Variants in TRHDE observed in about 807,000 individuals in gnomAD.
The protein encoded by TRHDE is thyrotropin releasing hormone degrading enzyme, also known as thyrotropin-releasing hormone-degrading ectoenzyme.
A neutral mutation model predicts 125.7 loss-of-function variants in TRHDE; 72 were observed. The ratio of observed to expected loss-of-function variants is 0.57; its 90% CI spans 0.47 to 0.70. TRHDE has a LOEUF of 0.70. Among genes scored for constraint, TRHDE ranks in the 30% least tolerant of loss-of-function variants. TRHDE has a pLI of 0.00. For missense variants in TRHDE, 1,110 were observed against 1,327.1 expected, an observed-to-expected ratio of 0.84 and a Z score of 2.54; for synonymous variants, 509 against 509.1, an observed-to-expected ratio of 1.00 and a Z score of 0.00.
At chr12:72,646,729 A>G (rs1444965172) in intron 15 of TRHDE, among the ~76,000 whole-genome samples, 1 of 152,070 alleles carries the variant, frequency 6.6e-6, no homozygotes, top group Non-Finnish European at 1.5e-5. Context: ...AAACCATCAC[A>G]AAAACAAAGA....
intron 6 of TRHDE, among the ~76,000 whole-genome samples, chr12:72,525,373 A>G (rs981992940): frequency 1.3e-5 from 2 of 152,076 alleles, no homozygotes; most frequent in Non-Finnish European, 2.9e-5. Context: ...CCCAAGGTTT[A>G]TCATTTCTAA....
intron 7 of TRHDE, among the ~76,000 whole-genome samples, chr12:72,551,811 T>G (rs1253538792): frequency 6.6e-6 from 1 of 151,886 alleles, no homozygotes; most frequent in Non-Finnish European, 1.5e-5. Flanking sequence ...AAGCAAAAAA[T>G]AGGATGCTGT....
chr12:72,497,829 A>G (rs1490413402), intron 5 of TRHDE, among the ~76,000 whole-genome samples: 1 of 152,232 alleles, frequency 6.6e-6, no homozygotes, highest in Non-Finnish European at 1.5e-5. Context: ...GTGGACTTAA[A>G]TGAACAATGT....
chr12:72,629,112 A>G (rs1423899027), intron 15 of TRHDE, among the ~76,000 whole-genome samples: 1 of 151,840 alleles, frequency 6.6e-6, no homozygotes, highest in African/African-American at 2.4e-5. Flanking sequence ...TCATTTTCTT[A>G]TAGTCACATT....
At chr12:72,535,004 C>T (rs933327421) in intron 6 of TRHDE, among the ~76,000 whole-genome samples, 3 of 151,428 alleles carry the variant, frequency 2.0e-5, no homozygotes, top group Admixed American at 2.0e-4. Context: ...ATTACTACCA[C>T]AGGACTTTTT....
intron 2 of TRHDE, among the ~76,000 whole-genome samples, chr12:72,153,041 T>C (rs1408329135): frequency 4.6e-5 from 7 of 152,214 alleles, no homozygotes. Flanking sequence ...TTTTTTTGGT[T>C]GGTAAGCAAT....
intron 12 of TRHDE, among the ~76,000 whole-genome samples, chr12:72,591,198 T>C (rs911915696): frequency 6.6e-5 from 10 of 152,182 alleles, no homozygotes. Flanking sequence ...TACTTCCCAC[T>C]GGGTCCCTCC....
intron 12 of TRHDE, among the ~76,000 whole-genome samples, chr12:72,612,847 C>G (rs921898793): frequency 3.9e-5 from 6 of 152,142 alleles, no homozygotes; most frequent in African/African-American, 1.4e-4. Flanking sequence ...AATGGTCAGA[C>G]ATTGACCCTA....
chr12:72,205,802 A>G (rs1450534698), intron 2 of TRHDE, among the ~76,000 whole-genome samples: 1 of 152,258 alleles, frequency 6.6e-6, no homozygotes, highest in African/African-American at 2.4e-5. Flanking sequence ...GAATAATGCT[A>G]CAATGAACGT....
chr12:72,273,107 A>G lies in TRHDE; in HGVS notation c.464A>G (p.Glu155Gly), dbSNP rs779290932. 3.9e-6 allele frequency: 6 copies of G among 1,525,088 alleles called. No individual in the cohort carries two copies. In the African/African-American group the frequency reaches 8.2e-5, roughly 21 times the overall value. The allele number at this position is 1,525,088 out of a possible 1,614,324, so 94.5% of individuals were successfully genotyped here. The change falls in exon 1 of 19, where the codon GAG (glutamate) becomes GGG (glycine). Residue 155 changes from glutamate (E) to glycine (G), a missense_variant. By Grantham distance (98) the Glu-to-Gly change is moderately conservative. Transcript: ENST00000261180. The surrounding 1 kb of genome is among the most constrained non-coding windows in gnomAD (Gnocchi z 5.3). ...GCAGGCGGGGACTCCTGGCAGCCCG[A>G]GGCGGGTGGGGTGGCCAGTCCGGGG... is the stretch of plus-strand genomic sequence containing the variant. Reference protein sequence around the residue: ...HHAGGDSWQPEAGGVASPGTT... With the variant: ...HHAGGDSWQPGAGGVASPGTT...
intron 3 of TRHDE, among the ~76,000 whole-genome samples, chr12:72,420,895 A>G (rs1419900543): frequency 1.5e-4 from 23 of 152,116 alleles, no homozygotes. Context: ...TTTCATACAC[A>G]TAGCATGATT....
At chr12:72,210,173 T>C (rs1877747958) in intron 2 of TRHDE, among the ~76,000 whole-genome samples, 1 of 144,416 alleles carries the variant, frequency 6.9e-6, no homozygotes, top group Admixed American at 6.8e-5. Context: ...ATAAGATTGA[T>C]CTATCTATCT....
At position 72,413,522 on chromosome 12, in the gene TRHDE, A is replaced by C. The variant is rs556405160; in HGVS notation, c.1315+35401A>C. On this transcript the variant is annotated intron_variant, in intron 3 of 18. Coordinates refer to ENST00000261180, the MANE Select transcript of TRHDE (RefSeq NM_013381.3). ...GTTAAACCTTATTAAAATTATTATT[A>C]GCTCTACCTATTTCATTTTTTAAAT... Among the ~76,000 whole-genome samples, 1,272 of 151,914 alleles carry C rather than the reference A, an allele frequency of 8.4e-3. 12 individuals carry two copies. Among genetic ancestry groups the C allele is most frequent in the African/African-American group, 0.029 (1,186 of 41,532 alleles).
intron 7 of TRHDE, among the ~76,000 whole-genome samples, chr12:72,556,265 G>A (rs1869917571): frequency 6.6e-6 from 1 of 152,156 alleles, no homozygotes; most frequent in African/African-American, 2.4e-5. Flanking sequence ...AACCCATTAG[G>A]GTTGTATTAT....
At chr12:72,597,666 T>TA (rs758942039) in intron 12 of TRHDE, among the ~76,000 whole-genome samples, 67 of 75,656 alleles carry the variant, frequency 8.9e-4, no homozygotes, top group Admixed American at 3.5e-3. Flanking sequence ...AGACCTTGTC[T>TA]AAAAAAAAAA....
intron 12 of TRHDE, among the ~76,000 whole-genome samples, chr12:72,580,831 G>T (rs1022690906): frequency 7.2e-5 from 11 of 152,128 alleles, no homozygotes; most frequent in African/African-American, 2.4e-4. Context: ...CTTATTTTCA[G>T]TGAACTCACA....
chr12:72,155,163 C>A (rs185281976), intron 2 of TRHDE, among the ~76,000 whole-genome samples: 4,567 of 152,238 alleles, frequency 0.03, 120 homozygotes, highest in African/African-American at 0.067. Flanking sequence ...ATCACTGATA[C>A]CCTTTCTTCC....
In TRHDE at chr12:72,200,978, T is replaced by C. The variant is rs1452347928; in HGVS notation, n.279+95226T>C. The stretch of plus-strand genomic sequence containing the variant: ...CAAGAGGTCTGGAGTAGGACAGTGA[T>C]ACAGGAAGATTTCCTAATAGAGGTA... On this transcript the variant is annotated intron_variant and non_coding_transcript_variant, in intron 2 of 4. Coordinates refer to the TRHDE transcript ENST00000548156. 3.3e-5 allele frequency among the ~76,000 whole-genome samples: 5 copies of C among 152,196 alleles called. No individual in the cohort carries two copies. In the East Asian group the frequency reaches 9.6e-4, roughly 29 times the overall value.
intron 2 of TRHDE, among the ~76,000 whole-genome samples, chr12:72,241,160 A>G (rs561511098): frequency 6.6e-6 from 1 of 152,268 alleles, no homozygotes; most frequent in Non-Finnish European, 1.5e-5. Flanking sequence ...GATTCCACTT[A>G]AAACAGTTAA....
Sources: allele counts gnomAD v4.1 joint callset (sites outside exome capture counted in the v4.1 genomes callset), GRCh38; gene constraint gnomAD v4.1.1; non-coding constraint Gnocchi (gnomAD v3.1); transcripts MANE v1.5; gene names NCBI Gene and HGNC (gene_info 2026-07-23, HGNC 2026-07-21).